The following ASIC2 variants were observed in gnomAD, a reference collection of about 807,000 sequenced individuals.
ASIC2 encodes acid-sensing ion channel 2.
In ASIC2, 25 loss-of-function variants were observed where a neutral mutation model predicts 57.3. That is an observed-to-expected ratio of 0.44 (90% confidence interval 0.32 to 0.61). The LOEUF (loss-of-function observed/expected upper bound fraction) is 0.61, where lower values mean the gene tolerates loss of function less well. ASIC2 is among the 20% of genes least tolerant of loss of function. The probability of loss-of-function intolerance (pLI) is 0.06; values close to 1 mark genes in which losing one functional copy is unlikely to be tolerated. For synonymous variants in ASIC2, 319 were observed against 307.5 expected (o/e 1.04, Z -0.39); for missense variants, 641 against 738.1 (o/e 0.87, Z 1.52).
intron 1 of ASIC2, chr17:34,038,645 C>A: frequency 6.3e-7 from 1 of 1,590,814 alleles, no homozygotes; most frequent in Admixed American, 1.7e-5. Flanking sequence ...TTTTCTAACC[C>A]TTTCTAGCCT....
At chr17:33,589,368 A>C (rs1261557557) in intron 1 of ASIC2, among the ~76,000 whole-genome samples, 1 of 152,242 alleles carries the variant, frequency 6.6e-6, no homozygotes, top group Admixed American at 6.5e-5. Flanking sequence ...TAAAATAAAC[A>C]TAACAAAGTT....
intron 1 of ASIC2, among the ~76,000 whole-genome samples, chr17:33,585,728 G>GGT (rs1198517214): frequency 2.6e-5 from 4 of 152,212 alleles, no homozygotes; most frequent in African/African-American, 7.2e-5. Flanking sequence ...ATGGCAACCA[G>GGT]GTAGGATGTT....
intron 1 of ASIC2, among the ~76,000 whole-genome samples, chr17:33,934,023 T>C (rs565286466): frequency 2.4e-4 from 36 of 152,318 alleles, no homozygotes; most frequent in Middle Eastern, 3.4e-3. Flanking sequence ...GACTTTCTTG[T>C]AGTTGATGTT....
intron 1 of ASIC2, among the ~76,000 whole-genome samples, chr17:34,083,019 C>T (rs1163050804): frequency 1.4e-5 from 2 of 141,266 alleles, no homozygotes; most frequent in African/African-American, 6.0e-5. Context: ...CCTTTGCATG[C>T]TATTTTTTTT....
chr17:33,284,502 A>G (rs528703609), intron 1 of ASIC2, among the ~76,000 whole-genome samples: 2 of 152,098 alleles, frequency 1.3e-5, no homozygotes, highest in African/African-American at 2.4e-5. Flanking sequence ...TTTCCTTCTC[A>G]GGGTTGCAGG....
chr17:33,941,187 C>T (rs1046274421), intron 1 of ASIC2, among the ~76,000 whole-genome samples: 2 of 152,162 alleles, frequency 1.3e-5, no homozygotes, highest in Non-Finnish European at 2.9e-5. Context: ...CCAGACGAGC[C>T]TCCAGCCCTG....
intron 1 of ASIC2, among the ~76,000 whole-genome samples, chr17:33,949,837 GATTA>G (rs1904501757): frequency 2.6e-5 from 4 of 152,214 alleles, no homozygotes; most frequent in Admixed American, 1.3e-4. Flanking sequence ...GCTTAGTGAG[GATTA>G]ATTATTATTT....
intron 1 of ASIC2, among the ~76,000 whole-genome samples, chr17:33,269,739 CTTCCTTCCTTCT>C (rs1904403553): frequency 1.1e-5 from 1 of 88,312 alleles, no homozygotes; most frequent in Admixed American, 1.3e-4. Flanking sequence ...TCCCTCCTTC[CTTCCTTCCTTCT>C]TTCCTTCCTT....
intron 1 of ASIC2, among the ~76,000 whole-genome samples, chr17:33,590,643 C>G (rs1904798491): frequency 6.6e-6 from 1 of 151,938 alleles, no homozygotes; most frequent in Non-Finnish European, 1.5e-5. Context: ...ACCCCAATCT[C>G]TACACAACAC....
At chr17:33,142,683 T>G (rs981269787) in intron 1 of ASIC2, among the ~76,000 whole-genome samples, 8 of 152,210 alleles carry the variant, frequency 5.3e-5, no homozygotes, top group Admixed American at 5.2e-4. Flanking sequence ...CTTTTCAGAC[T>G]CAGTTCCATG....
intron 1 of ASIC2, among the ~76,000 whole-genome samples, chr17:33,433,389 G>GGCCT (rs1187009835): frequency 6.6e-6 from 1 of 152,082 alleles, no homozygotes. Flanking sequence ...CTAGACACTG[G>GGCCT]GCCTGTCATT....
At chr17:33,875,786 G>A (rs1914530613) in intron 1 of ASIC2, among the ~76,000 whole-genome samples, 2 of 151,868 alleles carry the variant, frequency 1.3e-5, no homozygotes, top group Admixed American at 1.3e-4. Context: ...ATGCTTAACT[G>A]GATGGATTTT....
chr17:33,678,821 G>T (rs1907909726), intron 1 of ASIC2, among the ~76,000 whole-genome samples: 1 of 152,038 alleles, frequency 6.6e-6, no homozygotes, highest in East Asian at 1.9e-4. Flanking sequence ...CATCCCAGGG[G>T]CTTCTCTTAG....
chr17:33,756,222 C>A (rs1397191581), intron 1 of ASIC2, among the ~76,000 whole-genome samples: 2 of 152,220 alleles, frequency 1.3e-5, no homozygotes, highest in Non-Finnish European at 2.9e-5. Context: ...AGCCTTTGGA[C>A]TGCTGACCAC....
chr17:33,268,909 A>C (rs1909580830), intron 1 of ASIC2, among the ~76,000 whole-genome samples: 4 of 152,154 alleles, frequency 2.6e-5, no homozygotes, highest in Admixed American at 2.6e-4. Flanking sequence ...TCCAGCCCAC[A>C]CTTCCTAACG....
At chr17:33,700,772 C>T (rs1413759268) in intron 1 of ASIC2, among the ~76,000 whole-genome samples, 1 of 152,170 alleles carries the variant, frequency 6.6e-6, no homozygotes, top group African/African-American at 2.4e-5. Context: ...AGACACAGCG[C>T]TTTGCAGGCT....
chr17:33,242,014 C>T (rs1050233171), intron 1 of ASIC2, among the ~76,000 whole-genome samples: 5 of 152,186 alleles, frequency 3.3e-5, no homozygotes, highest in South Asian at 2.1e-4. Context: ...AACTCCGAAC[C>T]TACACAAAAT....
At chr17:34,092,109 C>A (rs1910354982) in intron 1 of ASIC2, among the ~76,000 whole-genome samples, 1 of 151,988 alleles carries the variant, frequency 6.6e-6, no homozygotes, top group East Asian at 1.9e-4. Flanking sequence ...GTAGTGGATC[C>A]CGGACACCAG....
At chr17:33,422,387 G>A (rs908606340) in intron 1 of ASIC2, among the ~76,000 whole-genome samples, 1 of 152,222 alleles carries the variant, frequency 6.6e-6, no homozygotes, top group Non-Finnish European at 1.5e-5. Context: ...GGGCATGCCA[G>A]GTGATGCAAA....
Sources: allele counts gnomAD v4.1 joint callset (sites outside exome capture counted in the v4.1 genomes callset), GRCh38; gene constraint gnomAD v4.1.1; transcripts MANE v1.5; gene names NCBI Gene and HGNC (gene_info 2026-07-23, HGNC 2026-07-21).